Variants in C2orf42 observed in about 807,000 individuals in gnomAD.
C2orf42 encodes chromosome 2 open reading frame 42, also known as uncharacterized protein C2orf42.
In C2orf42, 44 loss-of-function variants were observed where a neutral mutation model predicts 58.9. The ratio of observed to expected loss-of-function variants is 0.75; its 90% CI spans 0.59 to 0.96. The LOEUF is 0.96. Ranked by LOEUF, C2orf42 falls within the 40% of genes least tolerant of loss-of-function variation. The pLI is 0.00. For missense variants in C2orf42, 630 were observed against 699.2 expected, an observed-to-expected ratio of 0.90 and a Z score of 1.12; for synonymous variants, 239 against 265.4, an observed-to-expected ratio of 0.90 and a Z score of 0.97.
Position 70,165,095 on chromosome 2 carries a change from TG to T in C2orf42, c.1349del (p.Pro450GlnfsTer29). 2 of 1,553,868 alleles carry T rather than the reference TG, an allele frequency of 1.3e-6. No individual in the cohort carries two copies. Among genetic ancestry groups the T allele is most frequent in the Non-Finnish European group, 8.9e-7 (1 of 1,128,406 alleles). ...ILQVKQILDT[P>X]EMPLEITRSF... ...TGTTATAGAAATAAACTCTCACCTC[TG>T]GGGTATCTAAGATTTGTTTAACTTG... On this transcript the variant is annotated frameshift_variant, in exon 8 of 10. Coordinates refer to ENST00000264434, the MANE Select transcript of C2orf42 (RefSeq NM_017880.3). LOFTEE classifies it high-confidence loss of function.
intron 5 of C2orf42, among the ~76,000 whole-genome samples, chr2:70,170,738 T>G (rs1573003247): frequency 1.8e-5 from 2 of 108,944 alleles, no homozygotes; most frequent in Admixed American, 9.6e-5. Flanking sequence ...TGGGCAAGAG[T>G]GAGACTCTAA....
chr2:70,162,897 C>T (rs545119771), intron 8 of C2orf42, among the ~76,000 whole-genome samples: 2 of 152,270 alleles, frequency 1.3e-5, no homozygotes, highest in Non-Finnish European at 2.9e-5. Context: ...GACGAAGTCT[C>T]GATCTTGTCC....
Position 70,185,732 on chromosome 2 carries a change from T to C in C2orf42, c.-281-2797A>G, listed in dbSNP as rs189330193. ...TGTCACAAAAAAAAATATATATATA[T>C]ACACACACACACAAACACACACACA... On this transcript the variant is annotated intron_variant, in intron 1 of 9. Transcript: ENST00000264434. Among the ~76,000 whole-genome samples, 155 of 149,476 alleles carry C rather than the reference T, an allele frequency of 1.0e-3. 7 individuals are homozygous for C. The East Asian group carries it at 0.013, about 12-fold the overall frequency.
At chr2:70,187,731 C>T (rs185736660) in intron 1 of C2orf42, among the ~76,000 whole-genome samples, 113 of 152,114 alleles carry the variant, frequency 7.4e-4, no homozygotes, top group Non-Finnish European at 9.1e-4. Context: ...CACTTTGTCA[C>T]CCAGGCTGGA....
chr2:70,162,443 C>T (rs1216005704), intron 8 of C2orf42, among the ~76,000 whole-genome samples: 4 of 151,796 alleles, frequency 2.6e-5, no homozygotes, highest in African/African-American at 7.2e-5. Context: ...AGGTCAGGAG[C>T]TTGGGACCAG....
At chr2:70,171,468 T>C (rs1673816588) in intron 5 of C2orf42, among the ~76,000 whole-genome samples, 1 of 152,134 alleles carries the variant, frequency 6.6e-6, no homozygotes, top group African/African-American at 2.4e-5. Context: ...ATAATACCTT[T>C]AGACTTAAAA....
intron 4 of C2orf42, among the ~76,000 whole-genome samples, chr2:70,177,534 G>A (rs1208532492): frequency 1.3e-5 from 2 of 152,156 alleles, no homozygotes; most frequent in Non-Finnish European, 2.9e-5. Flanking sequence ...ATGTCACTTT[G>A]TTTCTCCATC....
chr2:70,157,666 A>G (rs1672768099), intron 9 of C2orf42, among the ~76,000 whole-genome samples: 1 of 150,754 alleles, frequency 6.6e-6, no homozygotes, highest in Non-Finnish European at 1.5e-5. Flanking sequence ...GTGTGGTGGC[A>G]TACGCCTGTA....
chr2:70,169,290 C>A (rs1209785663), intron 6 of C2orf42, among the ~76,000 whole-genome samples: 2 of 151,608 alleles, frequency 1.3e-5, no homozygotes, highest in South Asian at 2.1e-4. Flanking sequence ...CACGTGCACA[C>A]GAACTTATGC....
chr2:70,183,939 G>C (rs538951601), intron 1 of C2orf42, among the ~76,000 whole-genome samples: 1 of 152,120 alleles, frequency 6.6e-6, no homozygotes, highest in South Asian at 2.1e-4. Flanking sequence ...CCAAGTAGCT[G>C]AAACTATAGG....
intron 3 of C2orf42, among the ~76,000 whole-genome samples, chr2:70,180,607 C>CAAAAAA (rs59381817): frequency 3.5e-5 from 2 of 57,068 alleles, no homozygotes; most frequent in Non-Finnish European, 6.5e-5. Flanking sequence ...GATTCTGTCT[C>CAAAAAA]AAAAAAAAAA....
intron 6 of C2orf42, among the ~76,000 whole-genome samples, chr2:70,168,382 G>T (rs1483967215): frequency 6.7e-6 from 1 of 149,824 alleles, no homozygotes; most frequent in Non-Finnish European, 1.5e-5. Context: ...CCACCTCCTG[G>T]GTTCACGCCA....
chr2:70,185,993 TAAA>T (rs746486291), intron 1 of C2orf42, among the ~76,000 whole-genome samples: 2,216 of 99,254 alleles, frequency 0.022, 56 homozygotes, highest in African/African-American at 0.074. Flanking sequence ...TCCCTAATTG[TAAA>T]AAAAAAAAAA....
At chr2:70,176,925 T>C (rs1417095065) in intron 4 of C2orf42, among the ~76,000 whole-genome samples, 2 of 152,290 alleles carry the variant, frequency 1.3e-5, no homozygotes, top group South Asian at 4.1e-4. Flanking sequence ...AAAATCAACA[T>C]CTCCAGACAA....
At chr2:70,189,922 C>G (rs79005938) in intron 1 of C2orf42, among the ~76,000 whole-genome samples, 3 of 149,982 alleles carry the variant, frequency 2.0e-5, no homozygotes, top group Non-Finnish European at 4.4e-5. Flanking sequence ...ATATGCTATT[C>G]TTGGTTTTAC....
At chr2:70,164,874 T>G (rs1420086379) in intron 8 of C2orf42, among the ~76,000 whole-genome samples, 1 of 152,134 alleles carries the variant, frequency 6.6e-6, no homozygotes, top group African/African-American at 2.4e-5. Flanking sequence ...AAAGGAAAAG[T>G]ATATTCCAAT....
Position 70,181,874 on chromosome 2 carries a change from G to C in C2orf42, c.112C>G (p.Arg38Gly). 2 of 1,613,832 alleles carry C rather than the reference G, an allele frequency of 1.2e-6. No individual in the cohort carries two copies. The highest frequency in any genetic ancestry group is 1.7e-6 in the Non-Finnish European group (2 of 1,179,776). ...GTCTTGTTCTTACAGCTCAGTCCCCGGGTTCCATTGTATGTGCCACATCGG... is the reference window on the plus strand; with the variant it reads ...GTCTTGTTCTTACAGCTCAGTCCCCCGGTTCCATTGTATGTGCCACATCGG... ...CPRCGTYNGT[R>G]GLSCKNKTCG... Residue 38 changes from arginine to glycine, a missense_variant, in exon 3 of 10, where the codon CGG (arginine) becomes GGG (glycine). By Grantham distance (125) the Arg-to-Gly change is moderately radical. Transcript: ENST00000264434.
chr2:70,175,992 GA>G (rs1270624701), intron 4 of C2orf42, among the ~76,000 whole-genome samples: 6 of 152,050 alleles, frequency 3.9e-5, no homozygotes, highest in Admixed American at 6.6e-5. Flanking sequence ...ATGAAAGGAA[GA>G]AAAAAATTCA....
intron 8 of C2orf42, among the ~76,000 whole-genome samples, chr2:70,162,260 C>T (rs1300172542): frequency 2.0e-5 from 3 of 151,954 alleles, no homozygotes; most frequent in African/African-American, 7.2e-5. Context: ...ATCTGCCCAC[C>T]TTGGCCTCCC....
Sources: gnomAD v4.1 joint callset for allele counts (sites outside exome capture counted in the v4.1 genomes callset) on GRCh38, gnomAD v4.1.1 for gene constraint, MANE v1.5 for transcripts, NCBI Gene and HGNC (gene_info 2026-07-23, HGNC 2026-07-21) for gene names.